PCDH11X: variants seen among roughly 807,000 people sequenced by gnomAD.
The protein encoded by PCDH11X is protocadherin-11 X-linked.
In PCDH11X, 18 loss-of-function variants were observed where a neutral mutation model predicts 53.3. That is an observed-to-expected ratio of 0.34 (90% CI 0.23 to 0.50). The LOEUF (loss-of-function observed/expected upper bound fraction) is 0.50. Ranked by LOEUF, PCDH11X falls within the 20% of genes least tolerant of loss-of-function variation. The pLI is 0.98. For missense variants in PCDH11X, 570 were observed against 1,032.4 expected (o/e 0.55, Z 6.14); for synonymous variants, 279 against 393.3 (o/e 0.71, Z 3.44).
At chrX:92,322,231 A>ACATTTC (rs1179506195) in intron 8 of PCDH11X, among the ~76,000 whole-genome samples, 1 of 110,703 alleles carries the variant, frequency 9.0e-6, no homozygotes, top group Non-Finnish European at 1.9e-5. Flanking sequence ...AATTACTATA[A>ACATTTC]CATTTCCCAG....
chrX:92,348,802 C>T (rs2069971355), intron 8 of PCDH11X, among the ~76,000 whole-genome samples: 1 of 107,743 alleles, frequency 9.3e-6, no homozygotes, highest in African/African-American at 3.4e-5. Flanking sequence ...TCCCAAAGTG[C>T]TAGGATTTAC....
chrX:92,602,156 A>G (rs1315653150), intron 10 of PCDH11X, among the ~76,000 whole-genome samples: 1 of 111,189 alleles, frequency 9.0e-6, no homozygotes, highest in Non-Finnish European at 1.9e-5. Flanking sequence ...GATGATAAAT[A>G]CAGAGAGCTC....
chrX:92,026,400 A>G lies in PCDH11X; in HGVS notation c.3033+147127A>G, dbSNP rs745453981. 1.2e-3 allele frequency among the ~76,000 whole-genome samples: 124 copies of G among 105,779 alleles called. 1 individual carries two copies. The highest frequency in any genetic ancestry group is 4.0e-3 in the African/African-American group (118 of 29,431). The allele number at this position is 105,779 out of a possible 115,157, so 91.9% of individuals were successfully genotyped here. A position where few individuals can be genotyped will look rare whatever the true frequency, so the allele number is the denominator to read the frequency against. ...GTTCAACAATCATAAATTATTTACT[A>G]TCTGCCTTTTTACAGAAAAAAAAAA... On this transcript the variant is annotated intron_variant, in intron 6 of 10. Transcript: ENST00000682573.
Position 91,877,047 on chromosome X carries a change from A to C in PCDH11X, c.807A>C (p.Thr269=). The C allele has an allele frequency of 8.4e-7, 1 of 1,196,910 alleles. No individual in the cohort carries two copies. Among genetic ancestry groups the C allele is most frequent in the African/African-American group, 1.8e-5 (1 of 55,404 alleles). The change falls in exon 6 of 11, where the codon ACA becomes ACC. Residue 269 remains threonine, a synonymous_variant. Coordinates refer to ENST00000682573, the MANE Select transcript of PCDH11X (RefSeq NM_032968.5). ...ATGCTCCTGTAGGCACTTCAGTGAC[A>C]CAGCTCCATGCCACAGATGCTGACA... is the stretch of plus-strand genomic sequence containing the variant. ...PENAPVGTSV[T]QLHATDADIG...
chrX:92,198,983 T>C (rs1411430567), intron 6 of PCDH11X, among the ~76,000 whole-genome samples: 1 of 111,573 alleles, frequency 9.0e-6, no homozygotes, highest in Admixed American at 9.6e-5. Context: ...TTTTAATCTA[T>C]AGAATTTCTA....
At chrX:92,212,193 G>T (rs1603186539) in intron 7 of PCDH11X, among the ~76,000 whole-genome samples, 1 of 110,037 alleles carries the variant, frequency 9.1e-6, no homozygotes, top group Admixed American at 9.7e-5. Flanking sequence ...TGTATTTTTA[G>T]TAGAGATGGG....
chrX:92,079,439 G>C (rs1297927406), intron 6 of PCDH11X, among the ~76,000 whole-genome samples: 1 of 110,839 alleles, frequency 9.0e-6, no homozygotes, highest in African/African-American at 3.3e-5. Flanking sequence ...AGAGATGGCA[G>C]GAAACAGTGC....
intron 1 of PCDH11X, among the ~76,000 whole-genome samples, chrX:91,805,676 T>G (rs1406492537): frequency 2.9e-5 from 3 of 103,869 alleles, no homozygotes; most frequent in African/African-American, 1.1e-4. Context: ...TTTTTTAAAT[T>G]AGCTCCTCAC....
chrX:92,157,482 C>A (rs1338995789), intron 6 of PCDH11X, among the ~76,000 whole-genome samples: 1 of 111,502 alleles, frequency 9.0e-6, no homozygotes, highest in Non-Finnish European at 1.9e-5. Context: ...AGTCAATAAA[C>A]CAAATAAAAA....
intron 8 of PCDH11X, among the ~76,000 whole-genome samples, chrX:92,278,921 C>T (rs1371923862): frequency 1.9e-5 from 2 of 107,505 alleles, no homozygotes; most frequent in East Asian, 6.0e-4. Flanking sequence ...AAGCGAGTCT[C>T]CTGCCTTAGC....
At chrX:92,318,166 T>G in intron 8 of PCDH11X, among the ~76,000 whole-genome samples, 1 of 111,815 alleles carries the variant, frequency 8.9e-6, no homozygotes. Context: ...TTGAATAAAT[T>G]CATTCTATCA....
At chrX:92,408,312 A>T (rs1490429548) in intron 9 of PCDH11X, among the ~76,000 whole-genome samples, 2 of 109,494 alleles carry the variant, frequency 1.8e-5, no homozygotes, top group Non-Finnish European at 3.8e-5. Context: ...TCAGAATAGT[A>T]ATTTCAGCTA....
intron 6 of PCDH11X, among the ~76,000 whole-genome samples, chrX:92,079,927 C>T (rs1412337516): frequency 1.8e-5 from 2 of 111,910 alleles, no homozygotes; most frequent in African/African-American, 6.5e-5. Context: ...CTATGGAAAC[C>T]ATGAATATGT....
At chrX:91,823,658 C>T (rs1306636400) in intron 4 of PCDH11X, among the ~76,000 whole-genome samples, 1 of 111,241 alleles carries the variant, frequency 9.0e-6, no homozygotes, top group East Asian at 2.8e-4. Flanking sequence ...TTAATTGGAG[C>T]ATTTAGTCCA....
At chrX:91,851,622 G>T (rs1938017203) in intron 5 of PCDH11X, among the ~76,000 whole-genome samples, 1 of 111,797 alleles carries the variant, frequency 8.9e-6, no homozygotes. Flanking sequence ...TTAAGAACTT[G>T]TCTTGGAACC....
intron 10 of PCDH11X, among the ~76,000 whole-genome samples, chrX:92,604,591 G>T (rs1350553343): frequency 4.5e-5 from 5 of 111,512 alleles, no homozygotes; most frequent in African/African-American, 1.6e-4. Context: ...AAAGAAAAAT[G>T]GCGGATATCA....
rs1012727028 is a variant in PCDH11X at position 92,522,024 on chromosome X, A to G, written c.3367+53702A>G. ...TAAAACTTTCTCAATATTAGCAGTA[A>G]AGCTGTTTTGCTTTTTTGTAATTAA... On this transcript the variant is annotated intron_variant, in intron 10 of 10. Coordinates refer to ENST00000682573, the MANE Select transcript of PCDH11X (RefSeq NM_032968.5). 3.6e-5 allele frequency among the ~76,000 whole-genome samples: 4 copies of G among 112,114 alleles called. No homozygotes were observed. The Admixed American group carries it at 3.8e-4, about 11-fold the overall frequency.
chrX:92,428,606 T>TTTTC (rs201609473), intron 9 of PCDH11X, among the ~76,000 whole-genome samples: 1 of 110,438 alleles, frequency 9.1e-6, no homozygotes. Flanking sequence ...TGCAATTTCT[T>TTTTC]TTTCTTTCTT....
At chrX:92,395,953 T>A (rs2071235225) in intron 9 of PCDH11X, among the ~76,000 whole-genome samples, 1 of 110,053 alleles carries the variant, frequency 9.1e-6, no homozygotes, top group African/African-American at 3.3e-5. Context: ...CTTTTTTTTT[T>A]TAAAAAAGGT....
Sources: allele counts gnomAD v4.1 joint callset (sites outside exome capture counted in the v4.1 genomes callset), GRCh38; gene constraint gnomAD v4.1.1; transcripts MANE v1.5; gene names NCBI Gene and HGNC (gene_info 2026-07-23, HGNC 2026-07-21).